The following CDH12 variants were observed in gnomAD, a reference collection of about 807,000 sequenced individuals.
CDH12 encodes the protein cadherin 12.
In CDH12, 41 loss-of-function variants were observed where a neutral mutation model predicts 74.1. The ratio of observed to expected loss-of-function variants is 0.55; its 90% CI spans 0.43 to 0.72. The LOEUF (loss-of-function observed/expected upper bound fraction) is 0.72, where lower values mean the gene tolerates loss of function less well. CDH12 is among the 30% of genes least tolerant of loss of function. The probability of loss-of-function intolerance (pLI) is 0.00; values close to 1 mark genes in which losing one functional copy is unlikely to be tolerated. For synonymous variants in CDH12, 399 were observed against 355.0 expected (o/e 1.12, Z -1.39); for missense variants, 945 against 977.2 (o/e 0.97, Z 0.44).
chr5:22,847,227 T>C (rs908664779), intron 1 of CDH12, among the ~76,000 whole-genome samples: 7 of 152,194 alleles, frequency 4.6e-5, no homozygotes, highest in Admixed American at 1.3e-4. Context: ...TAAGTAAACA[T>C]ATAACTTAAA....
Position 22,270,479 on chromosome 5 carries a change from C to G in CDH12, c.-332-57836G>C, listed in dbSNP as rs1233557684. Among the ~76,000 whole-genome samples the G allele has an allele frequency of 2.0e-5, 3 of 151,764 alleles. No individual in the cohort carries two copies. The East Asian group carries it at 5.9e-4, about 30-fold the overall frequency. ...GCATGGCGGCACATGCCTGTAGCCT[C>G]AGCTACTTGGGAGGCTGAGGCAGGA... On this transcript the variant is annotated intron_variant, in intron 3 of 14. Transcript: ENST00000382254.
chr5:22,661,520 T>A (rs1740348074), intron 1 of CDH12, among the ~76,000 whole-genome samples: 1 of 152,166 alleles, frequency 6.6e-6, no homozygotes, highest in African/African-American at 2.4e-5. Context: ...AAAGGTAAAC[T>A]TTTTATTAGT....
chr5:22,069,303 C>T (rs1355104804), intron 5 of CDH12, among the ~76,000 whole-genome samples: 2 of 152,060 alleles, frequency 1.3e-5, no homozygotes, highest in African/African-American at 2.4e-5. Flanking sequence ...CTTGTGAAGC[C>T]TCAGTTACAG....
chr5:21,789,334 C>T (rs1302446591), intron 10 of CDH12, among the ~76,000 whole-genome samples: 1 of 152,000 alleles, frequency 6.6e-6, no homozygotes, highest in African/African-American at 2.4e-5. Flanking sequence ...CCACACCTGC[C>T]AGGTGGGCAT....
At chr5:22,355,159 G>T (rs1740508607) in intron 3 of CDH12, among the ~76,000 whole-genome samples, 1 of 123,442 alleles carries the variant, frequency 8.1e-6, no homozygotes, top group South Asian at 2.5e-4. Flanking sequence ...TTCTCATCTG[G>T]GTATCATAAT....
At chr5:22,736,619 A>T (rs1744743639) in intron 1 of CDH12, among the ~76,000 whole-genome samples, 1 of 151,790 alleles carries the variant, frequency 6.6e-6, no homozygotes. Flanking sequence ...AAATGCTATG[A>T]ATATTTTTCC....
chr5:22,688,563 A>G (rs896585775), intron 1 of CDH12, among the ~76,000 whole-genome samples: 2 of 152,170 alleles, frequency 1.3e-5, no homozygotes, highest in African/African-American at 4.8e-5. Flanking sequence ...TTTTCTCTGT[A>G]ACGAATAATA....
chr5:21,847,069 A>T (rs1229347358), intron 7 of CDH12, among the ~76,000 whole-genome samples: 5 of 152,112 alleles, frequency 3.3e-5, no homozygotes, highest in African/African-American at 7.2e-5. Context: ...AGCGTAAGCC[A>T]GGTCACAGAG....
chr5:22,760,698 A>ACC (rs1561011794), intron 1 of CDH12, among the ~76,000 whole-genome samples: 15 of 146,172 alleles, frequency 1.0e-4, no homozygotes, highest in Non-Finnish European at 2.0e-4. Flanking sequence ...AAAAAAAAAA[A>ACC]AACAAAAAAA....
intron 1 of CDH12, among the ~76,000 whole-genome samples, chr5:22,750,643 G>C (rs948375072): frequency 1.3e-5 from 2 of 152,140 alleles, no homozygotes; most frequent in African/African-American, 4.8e-5. Flanking sequence ...GGCAGTGAGA[G>C]AGATGGAATA....
At chr5:22,075,006 C>T (rs1358260916) in intron 5 of CDH12, among the ~76,000 whole-genome samples, 2 of 152,066 alleles carry the variant, frequency 1.3e-5, no homozygotes, top group Non-Finnish European at 2.9e-5. Context: ...AAGAGACATG[C>T]ACACGTATGT....
chr5:22,113,052 A>G (rs1744902065), intron 4 of CDH12, among the ~76,000 whole-genome samples: 1 of 152,152 alleles, frequency 6.6e-6, no homozygotes, highest in South Asian at 2.1e-4. Flanking sequence ...CCAGGTTCCT[A>G]TCAAAGGGGC....
At chr5:22,728,211 T>A (rs912818027) in intron 1 of CDH12, among the ~76,000 whole-genome samples, 1 of 151,802 alleles carries the variant, frequency 6.6e-6, no homozygotes, top group Admixed American at 6.6e-5. Flanking sequence ...TTTCAGCTAT[T>A]TTTTTTCCCA....
intron 10 of CDH12, among the ~76,000 whole-genome samples, chr5:21,795,866 T>A (rs1335282350): frequency 6.6e-6 from 1 of 152,032 alleles, no homozygotes; most frequent in Non-Finnish European, 1.5e-5. Context: ...ACTTTGATAC[T>A]TTCTTAATCG....
intron 1 of CDH12, among the ~76,000 whole-genome samples, chr5:22,542,002 A>C (rs1305808991): frequency 6.6e-6 from 1 of 152,200 alleles, no homozygotes; most frequent in Non-Finnish European, 1.5e-5. Flanking sequence ...AATACAGACA[A>C]TATTTATTGC....
At position 21,908,590 on chromosome 5, in the gene CDH12, C is replaced by G. The variant is rs1443812584; in HGVS notation, c.527-53800G>C. 7.2e-5 allele frequency among the ~76,000 whole-genome samples: 11 copies of G among 152,304 alleles called. No individual in the cohort carries two copies. In the East Asian group the frequency reaches 2.1e-3, roughly 29 times the overall value. On this transcript the variant is annotated intron_variant, in intron 6 of 14. Transcript: ENST00000382254. ...ATGCACTGAACACACATATTTCAAG[C>G]CTGTTTGGGTCATATCTCTTAATAT...
chr5:22,417,641 CTT>C (rs1462242455), intron 2 of CDH12, among the ~76,000 whole-genome samples: 30 of 152,192 alleles, frequency 2.0e-4, no homozygotes, highest in East Asian at 7.7e-4. Flanking sequence ...GACAGCAAGT[CTT>C]TTTTTATGAT....
intron 5 of CDH12, among the ~76,000 whole-genome samples, chr5:22,035,548 T>G (rs1739115652): frequency 6.6e-6 from 1 of 152,130 alleles, no homozygotes; most frequent in African/African-American, 2.4e-5. Context: ...TATAATAGGT[T>G]GAAAATGTGT....
intron 1 of CDH12, among the ~76,000 whole-genome samples, chr5:22,705,698 G>C (rs1020133472): frequency 6.6e-6 from 1 of 151,830 alleles, no homozygotes; most frequent in African/African-American, 2.4e-5. Context: ...TGCCACCAAG[G>C]GAGAAGATAA....
Sources: allele counts gnomAD v4.1 joint callset (sites outside exome capture counted in the v4.1 genomes callset), GRCh38; gene constraint gnomAD v4.1.1; transcripts MANE v1.5; gene names NCBI Gene and HGNC (gene_info 2026-07-23, HGNC 2026-07-21).